Variants in SLC43A1 observed in about 807,000 individuals in gnomAD.
The protein encoded by SLC43A1 is solute carrier family 43 member 1.
Under a neutral mutation model 59.5 loss-of-function variants are expected in SLC43A1, and 31 were observed. The observed-to-expected ratio is 0.52, with a 90% CI of 0.39 to 0.70. The LOEUF (loss-of-function observed/expected upper bound fraction) is 0.70, where lower values mean the gene tolerates loss of function less well. SLC43A1 is among the 30% of genes least tolerant of loss of function. The pLI, the probability that SLC43A1 is intolerant of heterozygous loss-of-function variation, is 0.00. For synonymous variants in SLC43A1, 259 were observed against 290.9 expected (o/e 0.89, Z 1.12); for missense variants, 598 against 717.8 (o/e 0.83, Z 1.91).
chr11:57,513,932 C>A, intron 2 of SLC43A1, 26 bp downstream of exon 2: 1 of 1,117,634 alleles, frequency 8.9e-7, no homozygotes, highest in South Asian at 1.3e-5. Flanking sequence ...CTCCCCCCAG[C>A]CCACCCAGCC....
intron 14 of SLC43A1, 49 bp from the exon 15 acceptor site, chr11:57,485,291 C>T (rs772412573): frequency 1.3e-6 from 2 of 1,555,754 alleles, no homozygotes; most frequent in African/African-American, 1.4e-5. Context: ...GTCATCTGCC[C>T]TTAGCCTCCC....
At chr11:57,499,686 G>C (rs989078658) in intron 5 of SLC43A1, 2 of 152,442 alleles carry the variant, frequency 1.3e-5, no homozygotes, top group African/African-American at 4.8e-5. Context: ...GCGGCCCAGG[G>C]GGCGGGGCCG....
At position 57,500,859 on chromosome 11, in the gene SLC43A1, G is replaced by C. The variant is rs982162173; in HGVS notation, c.389-4C>G. ...AGGAATATCAACGGAGACAGAGCTG[G>C]AAAGGGGAAAGCAGCAGATGAGGGC... On this transcript the variant is annotated splice_polypyrimidine_tract_variant and splice_region_variant and intron_variant, in intron 4 of 14. Transcript: ENST00000278426. 1.2e-6 allele frequency: 2 copies of C among 1,614,168 alleles called. No individual in the cohort carries two copies. Among genetic ancestry groups the C allele is most frequent in the East Asian group, 2.2e-5 (1 of 44,890 alleles).
Position 57,500,861 on chromosome 11 carries a change from A to C in SLC43A1, c.389-6T>G, listed in dbSNP as rs749050636. 2 of 1,614,032 alleles carry C rather than the reference A, an allele frequency of 1.2e-6. No individual in the cohort carries two copies. Among genetic ancestry groups the C allele is most frequent in the African/African-American group, 2.7e-5 (2 of 74,940 alleles). On this transcript the variant is annotated splice_polypyrimidine_tract_variant and splice_region_variant and intron_variant, in intron 4 of 14. Coordinates refer to ENST00000278426, the MANE Select transcript of SLC43A1 (RefSeq NM_003627.6). ...GAATATCAACGGAGACAGAGCTGGA[A>C]AGGGGAAAGCAGCAGATGAGGGCAT... is the stretch of plus-strand genomic sequence containing the variant.
chr11:57,500,079 C>T (rs542611527), intron 5 of SLC43A1, among the ~76,000 whole-genome samples: 11 of 152,326 alleles, frequency 7.2e-5, no homozygotes, highest in African/African-American at 2.4e-4. Flanking sequence ...CCTCCAACCT[C>T]CCTAAGCCTT....
At position 57,486,799 on chromosome 11, in the gene SLC43A1, A is replaced by T. The variant is rs1375504617; in HGVS notation, c.1533+296T>A. ...ACTCCAGCCTGGGCAACAGAATGAG[A>T]CTCCGTCTCAAAAAATAAAAATAAA... On this transcript the variant is annotated intron_variant, in intron 14 of 14. Transcript: ENST00000278426. Among the ~76,000 whole-genome samples, 6 of 152,040 alleles carry T rather than the reference A, an allele frequency of 3.9e-5. No individual in the cohort carries two copies. In the East Asian group the frequency reaches 1.2e-3, roughly 29 times the overall value.
At position 57,500,987 on chromosome 11, in the gene SLC43A1, C is replaced by T; in HGVS notation, c.388+1G>A. On this transcript the variant is annotated splice_donor_variant, in intron 4 of 14. Transcript: ENST00000278426. LOFTEE classifies it high-confidence loss of function. ...GGGCCACAAGAGGACAGACAACTCACCTTCCACGTCCCGGGAGGCCAGGGC... is the reference window on the plus strand; with the variant it reads ...GGGCCACAAGAGGACAGACAACTCATCTTCCACGTCCCGGGAGGCCAGGGC... 1 of 1,597,908 alleles carries T rather than the reference C, an allele frequency of 6.3e-7. No individual in the cohort carries two copies. The highest frequency in any genetic ancestry group is 2.3e-5 in the East Asian group (1 of 44,124).
At chr11:57,502,478 C>A (rs1244137933) in intron 2 of SLC43A1, among the ~76,000 whole-genome samples, 1 of 152,198 alleles carries the variant, frequency 6.6e-6, no homozygotes, top group Non-Finnish European at 1.5e-5. Flanking sequence ...GTAGCTGACC[C>A]TCCTGGTGGG....
In SLC43A1 at chr11:57,500,852, A is replaced by T; in HGVS notation, c.392T>A (p.Leu131Gln). ...CAGCGCCAGGAATATCAACGGAGAC[A>T]GAGCTGGAAAGGGGAAAGCAGCAGA... ...MALASRDVEA[L>Q]SPLIFLALSL... Residue 131 changes from leucine (L) to glutamine (Q), a missense_variant, in exon 5 of 15, where the codon CTG becomes CAG. Transcript: ENST00000278426. The T allele has an allele frequency of 1.9e-6, 3 of 1,614,206 alleles. No individual in the cohort carries two copies. Among genetic ancestry groups the T allele is most frequent in the Non-Finnish European group, 2.5e-6 (3 of 1,180,016 alleles).
intron 2 of SLC43A1, among the ~76,000 whole-genome samples, chr11:57,502,582 C>A (rs1328076043): frequency 6.6e-6 from 1 of 152,140 alleles, no homozygotes; most frequent in African/African-American, 2.4e-5. Flanking sequence ...GCTAAAAGAA[C>A]AAACCAGGCC....
At chr11:57,500,931 C>T in intron 4 of SLC43A1, 57 bp downstream of exon 4, 1 of 1,598,636 alleles carries the variant, frequency 6.3e-7, no homozygotes, top group South Asian at 1.1e-5. Context: ...GGGTAAACAT[C>T]CGCCTTCATC....
intron 2 of SLC43A1, among the ~76,000 whole-genome samples, chr11:57,506,463 G>A (rs1416155315): frequency 6.6e-6 from 1 of 152,186 alleles, no homozygotes; most frequent in Non-Finnish European, 1.5e-5. Flanking sequence ...TTGAGCCTGG[G>A]AGATCAAGGT....
chr11:57,506,849 G>A lies in SLC43A1; in HGVS notation c.155-5520C>T, dbSNP rs746937836. ...AATATCTAACTAACAAACAGTAAAT[G>A]CCTAAAGAACTTTAGCAATTGTTTT... On this transcript the variant is annotated intron_variant, in intron 2 of 14. Coordinates refer to ENST00000278426, the MANE Select transcript of SLC43A1 (RefSeq NM_003627.6). Among the ~76,000 whole-genome samples, 5 of 152,176 alleles carry A rather than the reference G, an allele frequency of 3.3e-5. 1 individual carries two copies. In the South Asian group the frequency reaches 6.2e-4, roughly 19 times the overall value.
intron 2 of SLC43A1, among the ~76,000 whole-genome samples, chr11:57,503,561 G>T (rs1348457569): frequency 6.6e-6 from 1 of 152,132 alleles, no homozygotes; most frequent in Admixed American, 6.5e-5. Context: ...GGGCCCAAGT[G>T]ATCTGCCTGC....
chr11:57,504,128 C>T (rs1027481693), intron 2 of SLC43A1, among the ~76,000 whole-genome samples: 1 of 152,064 alleles, frequency 6.6e-6, no homozygotes, highest in Non-Finnish European at 1.5e-5. Flanking sequence ...ACCCGGGAGG[C>T]GGAGCTTGCA....
chr11:57,497,621 G>A, intron 6 of SLC43A1, 132 bp downstream of exon 6: 1 of 625,572 alleles, frequency 1.6e-6, no homozygotes, highest in South Asian at 2.0e-5. Flanking sequence ...AGAGGGGGAA[G>A]GCCTGCATTG....
intron 6 of SLC43A1, 58 bp from the exon 7 acceptor site, chr11:57,496,222 G>A (rs1173546758): frequency 1.3e-6 from 2 of 1,594,068 alleles, no homozygotes; most frequent in Non-Finnish European, 1.7e-6. Flanking sequence ...ACCCCACCAA[G>A]GTAGATCCCA....
chr11:57,515,007 G>A lies in SLC43A1; in HGVS notation c.-14+437C>T, dbSNP rs1472340233. ...CTCGGCGGGAGGAGAGGGAACGCGG[G>A]CGGCGCGGGGGCGGGGAGCGACAAC... On this transcript the variant is annotated intron_variant, in intron 1 of 14. Transcript: ENST00000278426. This position sits in a 1 kb window ranked among gnomAD's most constrained non-coding sequence, Gnocchi z 5.3. 4.1e-6 allele frequency: 4 copies of A among 984,550 alleles called. No homozygotes were observed. The highest frequency in any genetic ancestry group is 1.7e-5 in the African/African-American group (1 of 57,212). 61.0% of individuals were successfully genotyped at this position (984,550 alleles called of 1,614,324 possible). A position where few individuals can be genotyped will look rare whatever the true frequency, so the allele number is the denominator to read the frequency against.
At chr11:57,492,481 A>T (rs1253644071) in intron 8 of SLC43A1, among the ~76,000 whole-genome samples, 21 of 134,172 alleles carry the variant, frequency 1.6e-4, no homozygotes, top group African/African-American at 5.3e-4. Context: ...TTTATATATA[A>T]AAAATAATAT....
Sources: gnomAD v4.1 joint callset for allele counts (sites outside exome capture counted in the v4.1 genomes callset) on GRCh38, gnomAD v4.1.1 for gene constraint, Gnocchi (gnomAD v3.1) non-coding constraint, MANE v1.5 for transcripts, NCBI Gene and HGNC (gene_info 2026-07-23, HGNC 2026-07-21) for gene names.